ATP10B: variants seen among roughly 807,000 people sequenced by gnomAD.
The protein encoded by ATP10B is ATPase phospholipid transporting 10B (putative), also known as phospholipid-transporting ATPase VB.
A neutral mutation model predicts 141.2 loss-of-function variants in ATP10B; 122 were observed. The ratio of observed to expected loss-of-function variants is 0.86; its 90% confidence interval spans 0.75 to 1.00. ATP10B has a LOEUF of 1.00. Ranked by LOEUF, ATP10B falls within the 50% of genes least tolerant of loss-of-function variation. The pLI is 0.00. For synonymous variants in ATP10B, 685 were observed against 692.0 expected (o/e 0.99, Z 0.16); for missense variants, 1,876 against 1,825.3 (o/e 1.03, Z -0.51).
chr5:160,792,309 G>A (rs2127910851), intron 1 of ATP10B, among the ~76,000 whole-genome samples: 1 of 152,274 alleles, frequency 6.6e-6, no homozygotes, highest in Admixed American at 6.5e-5. Flanking sequence ...ATCAGAGAAT[G>A]TGATCTTGTT....
chr5:160,762,344 C>T (rs1769108103), intron 2 of ATP10B, among the ~76,000 whole-genome samples: 2 of 152,248 alleles, frequency 1.3e-5, no homozygotes, highest in South Asian at 4.1e-4. Flanking sequence ...AAAGAACAAC[C>T]TATCAGATTA....
At chr5:160,830,438 G>A (rs2127975789) in intron 1 of ATP10B, among the ~76,000 whole-genome samples, 1 of 152,158 alleles carries the variant, frequency 6.6e-6, no homozygotes, top group Non-Finnish European at 1.5e-5. Context: ...CATGTTTTCT[G>A]TATATGGCAA....
At chr5:160,911,768 C>G in the ATP10B span, among the ~76,000 whole-genome samples, 656 of 152,240 alleles carry the variant, frequency 4.3e-3, 1 homozygote, top group Admixed American at 5.8e-3. Flanking sequence ...CAGATGAAAT[C>G]CACCTGCAGG....
chr5:160,707,996 G>C (rs1765117375), intron 3 of ATP10B, among the ~76,000 whole-genome samples: 1 of 152,162 alleles, frequency 6.6e-6, no homozygotes, highest in Admixed American at 6.5e-5. Context: ...ACCTTCAGAA[G>C]ACTTACTCTC....
intron 2 of ATP10B, among the ~76,000 whole-genome samples, chr5:160,780,695 TA>T (rs1361685790): frequency 2.6e-5 from 4 of 152,172 alleles, no homozygotes; most frequent in Admixed American, 2.6e-4. Context: ...TTAATTTCAA[TA>T]GATACTTTTA....
the ATP10B span, among the ~76,000 whole-genome samples, chr5:160,868,726 G>A: frequency 1.3e-5 from 2 of 152,056 alleles, no homozygotes; most frequent in Admixed American, 1.3e-4. Flanking sequence ...GTGAAGACTA[G>A]GATTTATTGG....
Position 160,696,610 on chromosome 5 carries a change from C to A in ATP10B, c.-204-7667G>T, listed in dbSNP as rs537809506. On this transcript the variant is annotated intron_variant, in intron 3 of 25. Transcript: ENST00000327245. Reference sequence around the variant, plus strand: ...CTGGGAACCAGGTTCAGAAACATCACCACTCACCCAGAAAGGATCAGTCAT... The same window carrying A: ...CTGGGAACCAGGTTCAGAAACATCAACACTCACCCAGAAAGGATCAGTCAT... Among the ~76,000 whole-genome samples the A allele has an allele frequency of 7.9e-5, 12 of 152,252 alleles. No individual in the cohort carries two copies. The South Asian group carries it at 2.3e-3, about 29-fold the overall frequency.
chr5:160,613,451 A>G (rs1271617502), intron 17 of ATP10B, among the ~76,000 whole-genome samples: 1 of 152,196 alleles, frequency 6.6e-6, no homozygotes, highest in Non-Finnish European at 1.5e-5. Flanking sequence ...GTGGTAGTGA[A>G]AGTTATTCAA....
chr5:160,646,781 G>A (rs555118034), intron 8 of ATP10B, among the ~76,000 whole-genome samples: 2 of 152,312 alleles, frequency 1.3e-5, no homozygotes, highest in African/African-American at 2.4e-5. Context: ...TCAAAGAATG[G>A]TAGAAAAGGA....
chr5:160,671,141 G>A (rs1160392500), intron 6 of ATP10B, among the ~76,000 whole-genome samples: 3 of 140,224 alleles, frequency 2.1e-5, no homozygotes, highest in Non-Finnish European at 4.5e-5. Context: ...CTCCAACCTG[G>A]GTGACAAAGC....
chr5:160,851,644 T>C (rs1753820941), intron 1 of ATP10B, among the ~76,000 whole-genome samples: 1 of 152,212 alleles, frequency 6.6e-6, no homozygotes, highest in African/African-American at 2.4e-5. Context: ...GAATGCAGGA[T>C]AGCAGGATAT....
chr5:160,602,569 C>T lies in ATP10B; in HGVS notation c.3363+8G>A. 6.2e-7 allele frequency: 1 copy of T among 1,613,638 alleles called. No individual in the cohort carries two copies. On this transcript the variant is annotated splice_region_variant and intron_variant, in intron 21 of 25. Coordinates refer to ENST00000327245, the MANE Select transcript of ATP10B (RefSeq NM_025153.3). ...GCCCTGGGTGAGAGGACGCCATAGG[C>T]TACTTACCACGTTCTTGTAGAGGTA...
At chr5:160,927,044 G>A in the ATP10B span, among the ~76,000 whole-genome samples, 17,795 of 152,224 alleles carry the variant, frequency 0.12, 1,282 homozygotes, top group Non-Finnish European at 0.16. Context: ...GAGAACAGTA[G>A]TTATTATTCC....
intron 8 of ATP10B, among the ~76,000 whole-genome samples, chr5:160,645,762 T>C (rs1760235358): frequency 6.6e-6 from 1 of 152,230 alleles, no homozygotes; most frequent in African/African-American, 2.4e-5. Context: ...TTAGAGCTCT[T>C]TTTTAAACGT....
chr5:160,800,775 G>T (rs1772323711), intron 1 of ATP10B, among the ~76,000 whole-genome samples: 1 of 152,160 alleles, frequency 6.6e-6, no homozygotes, highest in Admixed American at 6.6e-5. Flanking sequence ...TGAGCAGAAA[G>T]TATTTTCTAG....
intron 11 of ATP10B, among the ~76,000 whole-genome samples, chr5:160,635,742 C>T (rs2127667812): frequency 6.6e-6 from 1 of 152,310 alleles, no homozygotes; most frequent in East Asian, 1.9e-4. Context: ...TGGGCCAGTT[C>T]TGTTCTTTTC....
chr5:160,700,968 A>G (rs1764635426), intron 3 of ATP10B, among the ~76,000 whole-genome samples: 1 of 152,032 alleles, frequency 6.6e-6, no homozygotes, highest in Non-Finnish European at 1.5e-5. Flanking sequence ...TCTCATATCC[A>G]ATCAATTATC....
At chr5:160,588,176 C>G (rs928188846) in intron 24 of ATP10B, among the ~76,000 whole-genome samples, 2 of 152,274 alleles carry the variant, frequency 1.3e-5, no homozygotes, top group Non-Finnish European at 2.9e-5. Context: ...AATATACAAT[C>G]ATGTCATCTG....
intron 2 of ATP10B, among the ~76,000 whole-genome samples, chr5:160,733,112 G>T (rs1354215592): frequency 6.6e-6 from 1 of 152,092 alleles, no homozygotes; most frequent in Non-Finnish European, 1.5e-5. Flanking sequence ...TCATGTTTTT[G>T]TATCTTCTGA....
Sources: allele counts gnomAD v4.1 joint callset (sites outside exome capture counted in the v4.1 genomes callset), GRCh38; gene constraint gnomAD v4.1.1; transcripts MANE v1.5; gene names NCBI Gene and HGNC (gene_info 2026-07-23, HGNC 2026-07-21).